SPMIP7: variants seen among roughly 807,000 people sequenced by gnomAD.
SPMIP7 encodes the protein sperm microtubule inner protein 7.
At chr7:50,157,291 A>G in the SPMIP7 span, among the ~76,000 whole-genome samples, 1 of 152,202 alleles carries the variant, frequency 6.6e-6, no homozygotes, top group Non-Finnish European at 1.5e-5. Flanking sequence ...AGAGGAAGGG[A>G]CAGTTCAAAG....
At chr7:50,127,283 A>G in the SPMIP7 span, among the ~76,000 whole-genome samples, 10 of 152,200 alleles carry the variant, frequency 6.6e-5, 1 homozygote, top group Middle Eastern at 6.8e-3. Flanking sequence ...TTTAAGTCTA[A>G]GATCTGAAGC....
chr7:50,133,971 T>C, the SPMIP7 span: 3 of 655,128 alleles, frequency 4.6e-6, no homozygotes, highest in Admixed American at 6.6e-5. Context: ...GGGGAGGTGA[T>C]TATATATGGT....
chr7:50,120,699 G>A, the SPMIP7 span, among the ~76,000 whole-genome samples: 30 of 152,284 alleles, frequency 2.0e-4, no homozygotes, highest in African/African-American at 6.5e-4. Flanking sequence ...AATGGTGGAT[G>A]GCAAGGCTGG....
At chr7:50,121,680 G>A in the SPMIP7 span, among the ~76,000 whole-genome samples, 8 of 151,060 alleles carry the variant, frequency 5.3e-5, no homozygotes, top group Admixed American at 1.3e-4. Context: ...TTGAGATGGC[G>A]TCTCACTGTG....
chr7:50,129,045 C>T, the SPMIP7 span, among the ~76,000 whole-genome samples: 17 of 151,916 alleles, frequency 1.1e-4, no homozygotes, highest in African/African-American at 4.1e-4. Flanking sequence ...CTAAAAAAAT[C>T]ATCACTAGAA....
At chr7:50,134,872 T>C in the SPMIP7 span, among the ~76,000 whole-genome samples, 1 of 152,206 alleles carries the variant, frequency 6.6e-6, no homozygotes, top group Non-Finnish European at 1.5e-5. Context: ...ATTAAACCCA[T>C]CCTTTTTTAT....
chr7:50,145,198 G>T, the SPMIP7 span, among the ~76,000 whole-genome samples: 1 of 151,822 alleles, frequency 6.6e-6, no homozygotes, highest in Admixed American at 6.6e-5. Context: ...GGGAGGTGAA[G>T]GTTGCAGTGA....
the SPMIP7 span, among the ~76,000 whole-genome samples, chr7:50,098,799 A>G: frequency 1.3e-5 from 2 of 150,200 alleles, no homozygotes; most frequent in Non-Finnish European, 1.5e-5. Flanking sequence ...TCACCTCCAA[A>G]TAACATCACA....
At chr7:50,104,631 GA>G in the SPMIP7 span, among the ~76,000 whole-genome samples, 2 of 152,112 alleles carry the variant, frequency 1.3e-5, no homozygotes, top group Non-Finnish European at 2.9e-5. Flanking sequence ...TACCATGGGG[GA>G]GGAGTGAGTA....
chr7:50,126,814 T>C, the SPMIP7 span, among the ~76,000 whole-genome samples: 1 of 151,842 alleles, frequency 6.6e-6, no homozygotes. Context: ...TTTTTAAAAA[T>C]ATATAATGAA....
chr7:50,145,217 C>T, the SPMIP7 span, among the ~76,000 whole-genome samples: 3 of 151,260 alleles, frequency 2.0e-5, no homozygotes, highest in Non-Finnish European at 4.4e-5. Flanking sequence ...GAGCCAAGAT[C>T]GCGCCACTGC....
chr7:50,144,269 A>G, the SPMIP7 span, among the ~76,000 whole-genome samples: 2 of 152,228 alleles, frequency 1.3e-5, no homozygotes, highest in Non-Finnish European at 1.5e-5. Flanking sequence ...TGTAGAAAGT[A>G]AAATATCTCT....
At chr7:50,154,568 T>C in the SPMIP7 span, among the ~76,000 whole-genome samples, 1 of 152,218 alleles carries the variant, frequency 6.6e-6, no homozygotes, top group Non-Finnish European at 1.5e-5. Context: ...TGGCAGGATC[T>C]CCTACTTTTT....
the SPMIP7 span, among the ~76,000 whole-genome samples, chr7:50,116,909 G>C: frequency 6.6e-6 from 1 of 152,196 alleles, no homozygotes; most frequent in African/African-American, 2.4e-5. Context: ...TCACTCGCTA[G>C]GATGTAACCT....
At chr7:50,134,678 C>T in the SPMIP7 span, among the ~76,000 whole-genome samples, 1 of 152,130 alleles carries the variant, frequency 6.6e-6, no homozygotes, top group Non-Finnish European at 1.5e-5. Flanking sequence ...AGAGAAGATC[C>T]ATAGATTGCT....
the SPMIP7 span, among the ~76,000 whole-genome samples, chr7:50,097,528 T>C: frequency 1.3e-5 from 2 of 152,182 alleles, no homozygotes; most frequent in Admixed American, 6.5e-5. Context: ...GAACAGGCTT[T>C]AGACTCAGAC....
At chr7:50,125,252 A>C in the SPMIP7 span, among the ~76,000 whole-genome samples, 5 of 67,808 alleles carry the variant, frequency 7.4e-5, no homozygotes, top group South Asian at 4.1e-4. Context: ...ATATATACAC[A>C]TATATATACA....
the SPMIP7 span, chr7:50,159,132 C>A: frequency 6.4e-7 from 1 of 1,551,816 alleles, no homozygotes; most frequent in East Asian, 2.4e-5. Flanking sequence ...CCCTACAACC[C>A]TTTCAACAAG....
chr7:50,146,899 A>C, the SPMIP7 span, among the ~76,000 whole-genome samples: 1 of 152,172 alleles, frequency 6.6e-6, no homozygotes, highest in African/African-American at 2.4e-5. Context: ...TACTTGCATC[A>C]CATCGCCCCC....
Sources: allele counts gnomAD v4.1 joint callset (sites outside exome capture counted in the v4.1 genomes callset), GRCh38; gene constraint gnomAD v4.1.1; transcripts MANE v1.5; gene names NCBI Gene and HGNC (gene_info 2026-07-23, HGNC 2026-07-21).